Variants in SORCS3 observed in about 807,000 individuals in gnomAD.
SORCS3 encodes sortilin related VPS10 domain containing receptor 3, also known as VPS10 domain-containing receptor SorCS3.
In SORCS3, 57 loss-of-function variants were observed where a neutral mutation model predicts 146.3. That is an observed-to-expected ratio of 0.39 (90% confidence interval 0.31 to 0.49). The LOEUF is 0.49. Among genes scored for constraint, SORCS3 ranks in the 20% least tolerant of loss-of-function variants. The pLI, the probability that SORCS3 is intolerant of heterozygous loss-of-function variation, is 0.92. For synonymous variants in SORCS3, 653 were observed against 618.5 expected, an observed-to-expected ratio of 1.06 and a Z score of -0.83; for missense variants, 1,341 against 1,575.5, an observed-to-expected ratio of 0.85 and a Z score of 2.52.
chr10:105,260,703 G>C (rs1482676114), intron 25 of SORCS3, among the ~76,000 whole-genome samples: 1 of 152,220 alleles, frequency 6.6e-6, no homozygotes, highest in African/African-American at 2.4e-5. Context: ...TGGAGTTGGA[G>C]CAGATAGGGG....
At chr10:105,012,328 G>C (rs760039046) in intron 4 of SORCS3, among the ~76,000 whole-genome samples, 5 of 152,192 alleles carry the variant, frequency 3.3e-5, no homozygotes, top group Admixed American at 3.3e-4. Context: ...AGAAAAAAAT[G>C]CATGTTCAAA....
chr10:105,228,556 C>T (rs1240745814), intron 20 of SORCS3, among the ~76,000 whole-genome samples: 1 of 152,046 alleles, frequency 6.6e-6, no homozygotes, highest in Non-Finnish European at 1.5e-5. Flanking sequence ...TGAATTCCCT[C>T]AGCTTTGCTT....
intron 1 of SORCS3, among the ~76,000 whole-genome samples, chr10:104,678,032 A>G (rs1035327193): frequency 8.5e-5 from 13 of 152,146 alleles, no homozygotes; most frequent in Admixed American, 7.9e-4. Flanking sequence ...CATTCTAGTA[A>G]TGACATAATC....
chr10:104,816,463 T>C (rs913938298), intron 1 of SORCS3, among the ~76,000 whole-genome samples: 3 of 152,216 alleles, frequency 2.0e-5, no homozygotes, highest in Non-Finnish European at 4.4e-5. Context: ...GGTTATCCTT[T>C]CTGATATAAG....
intron 2 of SORCS3, among the ~76,000 whole-genome samples, chr10:104,908,736 G>A (rs2018934486): frequency 6.6e-6 from 1 of 152,190 alleles, no homozygotes; most frequent in Non-Finnish European, 1.5e-5. Flanking sequence ...GAATAAATAG[G>A]GAGCTCTTAG....
At chr10:105,169,284 C>T (rs561898400) in intron 13 of SORCS3, among the ~76,000 whole-genome samples, 1 of 152,096 alleles carries the variant, frequency 6.6e-6, no homozygotes, top group Non-Finnish European at 1.5e-5. Flanking sequence ...ATGACATAGT[C>T]CCTGCCCTCC....
chr10:104,975,440 G>A (rs907433592), intron 3 of SORCS3, among the ~76,000 whole-genome samples: 6 of 152,178 alleles, frequency 3.9e-5, no homozygotes, highest in African/African-American at 1.4e-4. Flanking sequence ...AACATTCCAT[G>A]CTCATGGGTA....
intron 3 of SORCS3, among the ~76,000 whole-genome samples, chr10:104,941,462 AGAG>A (rs546716353): frequency 3.3e-5 from 5 of 152,144 alleles, no homozygotes; most frequent in Non-Finnish European, 4.4e-5. Context: ...TGGTCTCTTC[AGAG>A]GAGGCTAACT....
intron 1 of SORCS3, chr10:104,664,477 C>T (rs1322653609): frequency 1.3e-5 from 2 of 152,104 alleles, no homozygotes; most frequent in African/African-American, 2.4e-5. Flanking sequence ...ATGAGAAAAT[C>T]GAAGCTCAGG....
intron 1 of SORCS3, among the ~76,000 whole-genome samples, chr10:104,784,682 C>T (rs528062971): frequency 3.3e-5 from 5 of 152,274 alleles, no homozygotes; most frequent in East Asian, 3.9e-4. Flanking sequence ...CAGTGCAGAG[C>T]GTCTGGAATC....
chr10:105,257,461 C>T (rs549463258), intron 25 of SORCS3, among the ~76,000 whole-genome samples: 12 of 152,152 alleles, frequency 7.9e-5, no homozygotes, highest in Non-Finnish European at 1.3e-4. Flanking sequence ...ATTAGGAGAA[C>T]AAAACTCCAC....
At chr10:105,154,421 G>T (rs528674650) in intron 9 of SORCS3, among the ~76,000 whole-genome samples, 1 of 152,192 alleles carries the variant, frequency 6.6e-6, no homozygotes, top group African/African-American at 2.4e-5. Flanking sequence ...TCAGCATTCC[G>T]CCAAGGGGCC....
At chr10:105,133,697 T>C (rs2056037848) in intron 7 of SORCS3, among the ~76,000 whole-genome samples, 1 of 152,162 alleles carries the variant, frequency 6.6e-6, no homozygotes, top group African/African-American at 2.4e-5. Flanking sequence ...ATTCCAGCAC[T>C]TTGGGAGGCT....
chr10:105,241,756 C>T (rs117261494), intron 20 of SORCS3, among the ~76,000 whole-genome samples: 1,606 of 152,224 alleles, frequency 0.011, 9 homozygotes, highest in East Asian at 0.021. Context: ...GTCAGGCCGT[C>T]GTCTTCTCTA....
intron 14 of SORCS3, among the ~76,000 whole-genome samples, chr10:105,195,197 T>C (rs1199794374): frequency 1.3e-5 from 2 of 152,202 alleles, no homozygotes; most frequent in Non-Finnish European, 2.9e-5. Flanking sequence ...ACTACACATA[T>C]GAGAAGTGTG....
intron 3 of SORCS3, among the ~76,000 whole-genome samples, chr10:104,961,177 T>C (rs1042951285): frequency 3.9e-5 from 6 of 152,186 alleles, no homozygotes; most frequent in Non-Finnish European, 8.8e-5. Context: ...TGGTCCCAGA[T>C]GTGCACAGTA....
At chr10:104,658,536 G>A (rs1339510913) in intron 1 of SORCS3, among the ~76,000 whole-genome samples, 3 of 152,200 alleles carry the variant, frequency 2.0e-5, no homozygotes, top group Non-Finnish European at 2.9e-5. Context: ...TGTATTTTTA[G>A]TGTAGGCAAC....
rs1270020248 is a variant in SORCS3 at position 105,242,697 on chromosome 10, CATTTATAT to C, written c.2869-2827_2869-2820del. The stretch of plus-strand genomic sequence containing the variant: ...ATATATATTTATATACATTTATATA[CATTTATAT>C]ATTTATATATTTATATACATTTATA... On this transcript the variant is annotated intron_variant, in intron 20 of 26. Transcript: ENST00000369701. 2.7e-3 allele frequency among the ~76,000 whole-genome samples: 177 copies of C among 65,218 alleles called. 4 individuals are homozygous for C. The Admixed American group carries it at 0.035, about 13-fold the overall frequency. 42.8% of individuals were successfully genotyped at this position (65,218 alleles called of 152,430 possible).
chr10:104,778,330 T>C (rs1446778621), intron 1 of SORCS3, among the ~76,000 whole-genome samples: 1 of 152,162 alleles, frequency 6.6e-6, no homozygotes, highest in Admixed American at 6.5e-5. Flanking sequence ...GCTTCAAAGG[T>C]GCTTCTGACA....
Sources: allele counts gnomAD v4.1 joint callset (sites outside exome capture counted in the v4.1 genomes callset), GRCh38; gene constraint gnomAD v4.1.1; transcripts MANE v1.5; gene names NCBI Gene and HGNC (gene_info 2026-07-23, HGNC 2026-07-21).